TTC29: variants seen among roughly 807,000 people sequenced by gnomAD.
TTC29 encodes tetratricopeptide repeat protein 29.
A neutral mutation model predicts 58.1 loss-of-function variants in TTC29; 49 were observed. That is an observed-to-expected ratio of 0.84 (90% CI 0.67 to 1.07). The LOEUF is 1.07. TTC29 is among the 50% of genes least tolerant of loss of function. The pLI, the probability that TTC29 is intolerant of heterozygous loss-of-function variation, is 0.00. For synonymous variants in TTC29, 209 were observed against 196.8 expected (o/e 1.06, Z -0.52); for missense variants, 582 against 555.6 (o/e 1.05, Z -0.48).
intron 9 of TTC29, among the ~76,000 whole-genome samples, chr4:146,826,043 T>C (rs535254175): frequency 6.6e-6 from 1 of 152,206 alleles, no homozygotes; most frequent in South Asian, 2.1e-4. Context: ...AGCACACCAA[T>C]GGGTCTTGAC....
chr4:146,929,751 T>C (rs1187135691), intron 4 of TTC29, among the ~76,000 whole-genome samples: 2 of 152,070 alleles, frequency 1.3e-5, no homozygotes. Flanking sequence ...CTGCACTGTG[T>C]GGATTGCAAG....
At chr4:146,708,306 GTT>G (rs1341206521) in intron 11 of TTC29, among the ~76,000 whole-genome samples, 5 of 78,818 alleles carry the variant, frequency 6.3e-5, no homozygotes, top group Non-Finnish European at 1.1e-4. Flanking sequence ...AATATGGGAA[GTT>G]TATATATATA....
At chr4:146,893,891 A>G (rs891417449) in intron 6 of TTC29, among the ~76,000 whole-genome samples, 3 of 152,240 alleles carry the variant, frequency 2.0e-5, no homozygotes, top group African/African-American at 7.2e-5. Context: ...ACACTTCTCA[A>G]AAGAAGACAT....
At chr4:146,877,244 G>A (rs1731327904) in intron 6 of TTC29, among the ~76,000 whole-genome samples, 1 of 151,620 alleles carries the variant, frequency 6.6e-6, no homozygotes. Flanking sequence ...GGTAACTTAT[G>A]GTTTATTTTC....
At chr4:146,902,341 G>C (rs1386523540) in intron 6 of TTC29, among the ~76,000 whole-genome samples, 1 of 151,990 alleles carries the variant, frequency 6.6e-6, no homozygotes, top group Admixed American at 6.6e-5. Flanking sequence ...AAAATAATGG[G>C]TACTAGGCTT....
intron 11 of TTC29, among the ~76,000 whole-genome samples, chr4:146,712,989 C>T (rs1561051428): frequency 6.6e-6 from 1 of 152,064 alleles, no homozygotes; most frequent in Admixed American, 6.6e-5. Flanking sequence ...CCTAACCTCT[C>T]ATCTGCTGGT....
At chr4:146,797,463 T>C (rs1158380912) in intron 11 of TTC29, among the ~76,000 whole-genome samples, 3 of 152,212 alleles carry the variant, frequency 2.0e-5, no homozygotes, top group Non-Finnish European at 4.4e-5. Context: ...TTTTATATGG[T>C]TGGCAAAAGC....
At chr4:146,841,940 C>A (rs1178418570) in intron 8 of TTC29, among the ~76,000 whole-genome samples, 1 of 152,072 alleles carries the variant, frequency 6.6e-6, no homozygotes, top group East Asian at 1.9e-4. Flanking sequence ...AGGATTTGAA[C>A]AAAACAACTG....
chr4:146,903,126 T>C (rs1007008691), intron 6 of TTC29, among the ~76,000 whole-genome samples: 1 of 152,190 alleles, frequency 6.6e-6, no homozygotes. Flanking sequence ...GAGTATTACA[T>C]TCAGGAATTA....
At chr4:146,899,655 G>A (rs1468975237) in intron 6 of TTC29, among the ~76,000 whole-genome samples, 3 of 152,094 alleles carry the variant, frequency 2.0e-5, no homozygotes, top group Non-Finnish European at 4.4e-5. Flanking sequence ...TCTGGCCAGG[G>A]AGCTCTGCGT....
At chr4:146,882,547 T>A (rs993692781) in intron 6 of TTC29, among the ~76,000 whole-genome samples, 1 of 152,116 alleles carries the variant, frequency 6.6e-6, no homozygotes, top group African/African-American at 2.4e-5. Context: ...TGAGGATAAA[T>A]AAAGTTAATA....
In TTC29 at chr4:146,830,884, A is replaced by C. The variant is rs149598560; in HGVS notation, c.977+2922T>G. Among the ~76,000 whole-genome samples, 3 of 152,374 alleles carry C rather than the reference A, an allele frequency of 2.0e-5. No individual in the cohort carries two copies. The East Asian group carries it at 5.8e-4, about 29-fold the overall frequency. On this transcript the variant is annotated intron_variant, in intron 9 of 12. Transcript: ENST00000325106. Reference sequence around the variant, plus strand: ...TCACAGAATTTACATCAAAGCATTTATACTATGAGTGGACTTGATTTAATA... The same window carrying C: ...TCACAGAATTTACATCAAAGCATTTCTACTATGAGTGGACTTGATTTAATA...
At chr4:146,803,821 G>T (rs904090837) in intron 10 of TTC29, 136 bp from the exon 11 acceptor site, 1 of 619,212 alleles carries the variant, frequency 1.6e-6, no homozygotes, top group Non-Finnish European at 2.7e-6. Context: ...GAAACAGATG[G>T]CAAGCAGGCT....
At chr4:146,840,251 C>T (rs1403875126) in intron 8 of TTC29, among the ~76,000 whole-genome samples, 3 of 150,324 alleles carry the variant, frequency 2.0e-5, no homozygotes, top group Non-Finnish European at 3.0e-5. Flanking sequence ...ATCACATAAG[C>T]GTGGAAGAGA....
intron 4 of TTC29, among the ~76,000 whole-genome samples, chr4:146,935,321 G>A (rs982287889): frequency 2.0e-5 from 3 of 152,138 alleles, no homozygotes; most frequent in Admixed American, 2.0e-4. Context: ...GGATATCAAA[G>A]CCAGTGTACA....
At chr4:146,902,902 G>T (rs1733251159) in intron 6 of TTC29, among the ~76,000 whole-genome samples, 1 of 152,148 alleles carries the variant, frequency 6.6e-6, no homozygotes, top group Admixed American at 6.6e-5. Context: ...TTTGAGGGAA[G>T]AAATGGCATT....
intron 6 of TTC29, among the ~76,000 whole-genome samples, chr4:146,889,077 C>G (rs546550234): frequency 9.2e-5 from 14 of 152,224 alleles, no homozygotes; most frequent in Admixed American, 7.2e-4. Flanking sequence ...TATCAACTCT[C>G]CTTAATTTAA....
At chr4:146,713,405 T>C (rs990630589) in intron 11 of TTC29, among the ~76,000 whole-genome samples, 8 of 152,080 alleles carry the variant, frequency 5.3e-5, no homozygotes, top group African/African-American at 1.7e-4. Flanking sequence ...GATTATAGAG[T>C]TAATCTCACT....
Position 146,923,739 on chromosome 4 carries a change from C to T in TTC29, c.176+13855G>A, listed in dbSNP as rs1298399142. 2.0e-5 allele frequency among the ~76,000 whole-genome samples: 3 copies of T among 151,538 alleles called. No individual in the cohort carries two copies. In the East Asian group the frequency reaches 5.8e-4, roughly 29 times the overall value. ...AATAACATATGAACTTAACACAATC[C>T]CAATAAAAGCTTAATGATATTTCCC... On this transcript the variant is annotated intron_variant, in intron 4 of 12. Transcript: ENST00000325106.
Sources: gnomAD v4.1 joint callset for allele counts (sites outside exome capture counted in the v4.1 genomes callset) on GRCh38, gnomAD v4.1.1 for gene constraint, MANE v1.5 for transcripts, NCBI Gene and HGNC (gene_info 2026-07-23, HGNC 2026-07-21) for gene names.